PRKDC: variants seen among roughly 807,000 people sequenced by gnomAD.
PRKDC encodes the protein DNA-dependent protein kinase catalytic subunit.
Under a neutral mutation model 486.9 loss-of-function variants are expected in PRKDC, and 82 were observed. That is an observed-to-expected ratio of 0.17 (90% confidence interval 0.14 to 0.20). The LOEUF (loss-of-function observed/expected upper bound fraction) is 0.20. Among genes scored for constraint, PRKDC ranks in the 10% least tolerant of loss-of-function variants. The pLI is 1.00. For synonymous variants in PRKDC, 1,895 were observed against 1,837.0 expected, an observed-to-expected ratio of 1.03 and a Z score of -0.81; for missense variants, 4,504 against 5,038.2, an observed-to-expected ratio of 0.89 and a Z score of 3.21.
chr8:47,901,044 C>T (rs1008183706), intron 27 of PRKDC, among the ~76,000 whole-genome samples: 8 of 150,766 alleles, frequency 5.3e-5, no homozygotes, highest in Non-Finnish European at 7.4e-5. Context: ...GTCCCAGCTA[C>T]CTGGGAGGCT....
intron 52 of PRKDC, among the ~76,000 whole-genome samples, chr8:47,849,869 C>T (rs1464892284): frequency 5.9e-5 from 9 of 152,192 alleles, no homozygotes; most frequent in Non-Finnish European, 8.8e-5. Flanking sequence ...AGCTAAATGG[C>T]TAAATATTGT....
At chr8:47,868,910 G>A (rs568376982) in intron 40 of PRKDC, among the ~76,000 whole-genome samples, 1 of 152,276 alleles carries the variant, frequency 6.6e-6, no homozygotes, top group South Asian at 2.1e-4. Flanking sequence ...GGAACTCAGC[G>A]ATGTCCTGTC....
intron 68 of PRKDC, among the ~76,000 whole-genome samples, chr8:47,811,797 C>T (rs777417835): frequency 1.3e-5 from 2 of 151,994 alleles, no homozygotes; most frequent in African/African-American, 2.4e-5. Flanking sequence ...ACCAACATGG[C>T]GAAACCCTGT....
chr8:47,914,994 T>G (rs1193299591), intron 23 of PRKDC, among the ~76,000 whole-genome samples: 1 of 152,134 alleles, frequency 6.6e-6, no homozygotes, highest in Non-Finnish European at 1.5e-5. Flanking sequence ...GAAAAATTTC[T>G]AAAAATATCA....
Position 47,957,367 on chromosome 8 carries a change from G to C in PRKDC, c.219C>G (p.Leu73=). 8.8e-6 allele frequency: 14 copies of C among 1,598,070 alleles called. No individual in the cohort carries two copies. The highest frequency in any genetic ancestry group is 1.2e-5 in the Non-Finnish European group (14 of 1,171,652). The change falls in exon 2 of 86, where the codon CTC becomes CTG. Residue 73 remains leucine (L), a synonymous_variant. Coordinates refer to ENST00000314191, the MANE Select transcript of PRKDC (RefSeq NM_006904.7). Reference sequence around the variant, plus strand: ...ATTGTCAACTTACTTCAATACTGTTGAGTGACTTCCGGACAAATACAAGCA... The same window carrying C: ...ATTGTCAACTTACTTCAATACTGTTCAGTGACTTCCGGACAAATACAAGCA... ...FGLLVFVRKS[L]NSIEFRECRE...
intron 76 of PRKDC, among the ~76,000 whole-genome samples, chr8:47,786,465 T>C (rs2086793139): frequency 6.6e-6 from 1 of 152,120 alleles, no homozygotes; most frequent in Admixed American, 6.6e-5. Context: ...TAAATCCTAA[T>C]AAGGGCTTTA....
intron 74 of PRKDC, 39 bp from the exon 75 acceptor site, chr8:47,789,277 T>G (rs1258876094): frequency 8.1e-7 from 1 of 1,230,648 alleles, no homozygotes; most frequent in Non-Finnish European, 1.1e-6. Flanking sequence ...CAATCAAATA[T>G]CTTCCAAAAA....
chr8:47,820,885 G>A lies in PRKDC; in HGVS notation c.9170C>T (p.Ala3057Val). 1 of 1,610,294 alleles carries A rather than the reference G, an allele frequency of 6.2e-7. No homozygotes were observed. Among genetic ancestry groups the A allele is most frequent in the Non-Finnish European group, 8.5e-7 (1 of 1,177,544 alleles). Residue 3057 changes from alanine to valine, a missense_variant, in exon 66 of 86, where the codon GCT (alanine) becomes GTT (valine). Physicochemically the swap from Ala to Val is moderately conservative, Grantham distance 64 (BLOSUM62 0). This residue lies in a region of PRKDC where 1,592 missense variants were observed against 1,724.6 expected (regional missense o/e 0.92). Transcript: ENST00000314191. ...AATAAATGTCAGCAGGGACTGGTCA[G>A]CCTCTCCCTGGAGCAGCAGCTTCAG... Reference protein sequence around the residue: ...SKLKLLLQGEADQSLLTFIDK... With the variant: ...SKLKLLLQGEVDQSLLTFIDK...
chr8:47,918,486 C>T (rs1379512388), intron 21 of PRKDC, 103 bp from the exon 22 acceptor site: 17 of 648,320 alleles, frequency 2.6e-5, no homozygotes, highest in Non-Finnish European at 3.7e-5. Flanking sequence ...CATTAAAATC[C>T]TAAATTATGA....
At chr8:47,941,169 C>T (rs750224377) in intron 10 of PRKDC, among the ~76,000 whole-genome samples, 56 of 149,680 alleles carry the variant, frequency 3.7e-4, no homozygotes, top group Non-Finnish European at 7.3e-4. Flanking sequence ...ACAAAAAAAA[C>T]ACATCATATA....
At chr8:47,831,980 G>A in intron 59 of PRKDC, 54 bp from the exon 60 acceptor site, 2 of 1,501,548 alleles carry the variant, frequency 1.3e-6, no homozygotes, top group Non-Finnish European at 1.8e-6. Context: ...ACTTGGCTCT[G>A]CTGGTTCATT....
chr8:47,922,428 C>T (rs1468949020), intron 21 of PRKDC, among the ~76,000 whole-genome samples: 2 of 151,610 alleles, frequency 1.3e-5, no homozygotes, highest in Non-Finnish European at 2.9e-5. Context: ...GCCAAGATCA[C>T]GCAACTGCAC....
At chr8:47,933,209 G>T (rs2090287459) in intron 15 of PRKDC, 37 bp from the exon 16 acceptor site, 5 of 1,411,256 alleles carry the variant, frequency 3.5e-6, no homozygotes, top group Non-Finnish European at 4.7e-6. Context: ...TCAAAATCTT[G>T]TGCAAAAATG....
intron 25 of PRKDC, among the ~76,000 whole-genome samples, chr8:47,905,297 G>A (rs1179452775): frequency 6.6e-6 from 1 of 152,114 alleles, no homozygotes; most frequent in Non-Finnish European, 1.5e-5. Context: ...CCAACGTGCA[G>A]GGATTACAGG....
chr8:47,802,807 C>T (rs1208766867), intron 70 of PRKDC, among the ~76,000 whole-genome samples: 3 of 152,092 alleles, frequency 2.0e-5, no homozygotes, highest in Non-Finnish European at 4.4e-5. Context: ...CGCCCACCAC[C>T]ATGCCTGGTT....
rs1427836847 is a variant in PRKDC at position 47,837,325 on chromosome 8, T to C, written c.7648A>G (p.Ile2550Val). Residue 2550 changes from isoleucine (I) to valine (V), a missense_variant, in exon 57 of 86, where the codon ATA (isoleucine) becomes GTA (valine). Coordinates refer to ENST00000314191, the MANE Select transcript of PRKDC (RefSeq NM_006904.7). ...LALNSLYSPK[I>V]EVHFLSLATN... is the part of the protein sequence containing the mutation. Reference sequence around the variant, plus strand: ...GCTAAACTTAAAAAGTGCACTTCTATCTTAGGAGAATATAAGGAATTTAGT... The same window carrying C: ...GCTAAACTTAAAAAGTGCACTTCTACCTTAGGAGAATATAAGGAATTTAGT... 5.6e-6 allele frequency: 9 copies of C among 1,613,134 alleles called. No homozygotes were observed. The highest frequency in any genetic ancestry group is 7.6e-6 in the Non-Finnish European group (9 of 1,179,210).
intron 25 of PRKDC, among the ~76,000 whole-genome samples, chr8:47,909,200 C>T (rs1334928449): frequency 6.6e-6 from 1 of 152,206 alleles, no homozygotes; most frequent in African/African-American, 2.4e-5. Context: ...TCAGGGACCC[C>T]ACACGGAGGG....
intron 21 of PRKDC, among the ~76,000 whole-genome samples, chr8:47,922,576 G>T (rs529609226): frequency 6.7e-6 from 1 of 148,658 alleles, no homozygotes. Flanking sequence ...AAAATGGTAC[G>T]TGGGATTACA....
At chr8:47,935,539 T>G (rs1445395634) in intron 13 of PRKDC, among the ~76,000 whole-genome samples, 193 bp downstream of exon 13, 1 of 151,894 alleles carries the variant, frequency 6.6e-6, no homozygotes, top group African/African-American at 2.4e-5. Flanking sequence ...TTAATAGTTC[T>G]ATTAATAGAA....
Sources: gnomAD v4.1 joint callset for allele counts (sites outside exome capture counted in the v4.1 genomes callset) on GRCh38, gnomAD v4.1.1 for gene constraint, gnomAD v4.1.1 regional missense constraint, MANE v1.5 for transcripts, NCBI Gene and HGNC (gene_info 2026-07-23, HGNC 2026-07-21) for gene names.